The following TTBK2 variants were observed in gnomAD, a reference collection of about 807,000 sequenced individuals.
TTBK2 encodes tau-tubulin kinase 2.
TTBK2 carries 28 observed loss-of-function variants against 110.8 expected under a neutral mutation model. The ratio of observed to expected loss-of-function variants is 0.25; its 90% CI spans 0.19 to 0.35. TTBK2 has a LOEUF of 0.35. Among genes scored for constraint, TTBK2 ranks in the 10% least tolerant of loss-of-function variants. TTBK2 has a pLI of 1.00. For synonymous variants in TTBK2, 532 were observed against 527.3 expected, an observed-to-expected ratio of 1.01 and a Z score of -0.12; for missense variants, 1,369 against 1,500.3, an observed-to-expected ratio of 0.91 and a Z score of 1.45.
At chr15:42,882,500 G>C (rs1021173559) in intron 1 of TTBK2, among the ~76,000 whole-genome samples, 9 of 151,742 alleles carry the variant, frequency 5.9e-5, no homozygotes, top group South Asian at 4.2e-4. Flanking sequence ...TGTAATCCCA[G>C]ATACTCAGGA....
chr15:42,835,246 C>A (rs972473462), intron 4 of TTBK2, among the ~76,000 whole-genome samples: 7 of 152,086 alleles, frequency 4.6e-5, no homozygotes, highest in Non-Finnish European at 7.4e-5. Context: ...ACTGACAATG[C>A]TGAACTCACT....
At chr15:42,837,997 T>A (rs1893062603) in intron 4 of TTBK2, among the ~76,000 whole-genome samples, 1 of 151,706 alleles carries the variant, frequency 6.6e-6, no homozygotes, top group African/African-American at 2.4e-5. Flanking sequence ...CGCCTGAGGT[T>A]AGGAGTTTAA....
At chr15:42,834,349 G>T (rs1276332813) in intron 4 of TTBK2, among the ~76,000 whole-genome samples, 1 of 152,084 alleles carries the variant, frequency 6.6e-6, no homozygotes, top group African/African-American at 2.4e-5. Flanking sequence ...CACTTGAAAA[G>T]AATTAAAAAT....
intron 4 of TTBK2, among the ~76,000 whole-genome samples, chr15:42,832,219 GT>G (rs931796489): frequency 3.3e-5 from 5 of 152,168 alleles, no homozygotes; most frequent in Non-Finnish European, 5.9e-5. Context: ...CATTCCAATA[GT>G]TTTTTCTTCA....
chr15:42,763,145 T>TATATATATACAC lies in TTBK2; in HGVS notation c.1999-9899_1999-9898insGTGTATATATAT, dbSNP rs1567008692. On this transcript the variant is annotated intron_variant, in intron 13 of 14. Transcript: ENST00000267890. ...ACATATATATACATATATACATACATATATATATATACATATATATATATA... is the reference window on the plus strand; with the variant it reads ...ACATATATATACATATATACATACATATATATATACACATATATATATACATATATATATATA... Among the ~76,000 whole-genome samples the TATATATATACAC allele has an allele frequency of 2.8e-3, 196 of 69,688 alleles. 1 individual carries two copies. Among genetic ancestry groups the TATATATATACAC allele is most frequent in the African/African-American group, 3.5e-3 (38 of 10,932 alleles). 45.7% of individuals were successfully genotyped at this position (69,688 alleles called of 152,430 possible).
At chr15:42,873,630 A>G (rs894597797) in intron 2 of TTBK2, among the ~76,000 whole-genome samples, 2 of 152,190 alleles carry the variant, frequency 1.3e-5, no homozygotes, top group African/African-American at 4.8e-5. Flanking sequence ...AACAAGCACT[A>G]TTCTCTCTGA....
chr15:42,751,859 G>C, intron 14 of TTBK2, 115 bp downstream of exon 14: 1 of 1,325,458 alleles, frequency 7.5e-7, no homozygotes, highest in African/African-American at 1.4e-5. Flanking sequence ...GGAAAGGCAG[G>C]AAAGAAAGAT....
chr15:42,822,144 A>G (rs1437094461), intron 6 of TTBK2, among the ~76,000 whole-genome samples: 1 of 152,086 alleles, frequency 6.6e-6, no homozygotes, highest in African/African-American at 2.4e-5. Context: ...ATTGAGTTGT[A>G]TGAGTTGTTT....
At chr15:42,833,433 TG>T (rs1892854474) in intron 4 of TTBK2, among the ~76,000 whole-genome samples, 3 of 152,326 alleles carry the variant, frequency 2.0e-5, no homozygotes, top group African/African-American at 7.2e-5. Context: ...ATGTATCTAC[TG>T]GTCACCCAGA....
At chr15:42,822,438 A>G (rs1289495611) in intron 6 of TTBK2, among the ~76,000 whole-genome samples, 7 of 152,200 alleles carry the variant, frequency 4.6e-5, no homozygotes, top group Non-Finnish European at 8.8e-5. Flanking sequence ...GAAAACAAAA[A>G]AGAAAAAATA....
chr15:42,817,822 C>T (rs1204358277), intron 6 of TTBK2, among the ~76,000 whole-genome samples: 1 of 152,210 alleles, frequency 6.6e-6, no homozygotes, highest in African/African-American at 2.4e-5. Flanking sequence ...AAACAGTGCA[C>T]ACGATTCTCT....
intron 1 of TTBK2, among the ~76,000 whole-genome samples, chr15:42,888,254 C>G (rs781364495): frequency 2.6e-5 from 4 of 152,102 alleles, no homozygotes; most frequent in Non-Finnish European, 4.4e-5. Flanking sequence ...ACTTTCTGCT[C>G]CCCAGCTCCT....
At chr15:42,858,915 G>GT (rs1894049313) in intron 3 of TTBK2, among the ~76,000 whole-genome samples, 1 of 152,088 alleles carries the variant, frequency 6.6e-6, no homozygotes, top group South Asian at 2.1e-4. Flanking sequence ...AGTTCAACTA[G>GT]TTTTTTACAG....
Position 42,752,848 on chromosome 15 carries a change from T to C in TTBK2, c.2398A>G (p.Ile800Val), listed in dbSNP as rs966127980. ...TCTCCTGGGAGAGAGGAGATCTCAA[T>C]ACAATGCTGCCCTCTACTTAACTTC... ...DEKLSRGQHC[I>V]EISSLPGDLV... Residue 800 changes from isoleucine to valine, a missense_variant, in exon 14 of 15, where the codon ATT becomes GTT. Ile to Val is a conservative substitution (Grantham distance 29). Transcript: ENST00000267890. The C allele has an allele frequency of 1.2e-6, 2 of 1,614,212 alleles. No individual in the cohort carries two copies. Among genetic ancestry groups the C allele is most frequent in the Non-Finnish European group, 1.7e-6 (2 of 1,180,052 alleles).
rs565256474 is a variant in TTBK2 at position 42,852,864 on chromosome 15, TAAAC to T, written c.218-12435_218-12432del. On this transcript the variant is annotated intron_variant, in intron 3 of 14. Transcript: ENST00000267890. ...GAGAAGAAAAATGCAGAGGATGAAA[TAAAC>T]AAAAGAGTAGATTATATGTTTACAT... is the stretch of plus-strand genomic sequence containing the variant. Among the ~76,000 whole-genome samples the T allele has an allele frequency of 1.4e-4, 22 of 152,188 alleles. No individual in the cohort carries two copies. The South Asian group carries it at 4.6e-3, about 32-fold the overall frequency.
intron 13 of TTBK2, among the ~76,000 whole-genome samples, chr15:42,754,663 C>T (rs1402820546): frequency 1.4e-5 from 2 of 141,848 alleles, no homozygotes; most frequent in East Asian, 2.5e-4. Flanking sequence ...TCCCAAAGTG[C>T]TGGGATTACA....
intron 7 of TTBK2, among the ~76,000 whole-genome samples, chr15:42,814,620 T>A (rs570222081): frequency 1.4e-4 from 22 of 152,114 alleles, no homozygotes; most frequent in Non-Finnish European, 2.9e-4. Flanking sequence ...AAATAGAGTG[T>A]ATTATTTTTA....
intron 7 of TTBK2, among the ~76,000 whole-genome samples, chr15:42,816,162 G>A (rs1367609243): frequency 7.7e-6 from 1 of 129,552 alleles, no homozygotes; most frequent in Admixed American, 9.1e-5. Flanking sequence ...TGTTGCCCAG[G>A]CTGGAGTGCA....
At chr15:42,865,199 T>C (rs937357803) in intron 3 of TTBK2, among the ~76,000 whole-genome samples, 26 of 152,140 alleles carry the variant, frequency 1.7e-4, no homozygotes, top group African/African-American at 6.3e-4. Context: ...CCCAGTACTA[T>C]GGACGGTCGA....
Sources: gnomAD v4.1 joint callset for allele counts (sites outside exome capture counted in the v4.1 genomes callset) on GRCh38, gnomAD v4.1.1 for gene constraint, MANE v1.5 for transcripts, NCBI Gene and HGNC (gene_info 2026-07-23, HGNC 2026-07-21) for gene names.